The following RGS5 variants were observed in gnomAD, a reference collection of about 807,000 sequenced individuals.
RGS5 encodes the protein regulator of G protein signaling 5.
A neutral mutation model predicts 18.9 loss-of-function variants in RGS5; 20 were observed. The ratio of observed to expected loss-of-function variants is 1.06; its 90% CI spans 0.74 to 1.54. The LOEUF (loss-of-function observed/expected upper bound fraction) is 1.54, where lower values mean the gene tolerates loss of function less well. RGS5 is among the 40% of genes most tolerant of loss of function. The pLI is 0.00. For missense variants in RGS5, 201 were observed against 211.8 expected, an observed-to-expected ratio of 0.95 and a Z score of 0.32; for synonymous variants, 57 against 76.2, an observed-to-expected ratio of 0.75 and a Z score of 1.31.
At position 163,170,572 on chromosome 1, in the gene RGS5, A is replaced by G. The variant is rs12029882; in HGVS notation, c.45-2204T>C. On this transcript the variant is annotated intron_variant, in intron 1 of 4. Coordinates refer to ENST00000313961, the MANE Select transcript of RGS5 (RefSeq NM_003617.4). ...AGATTTGCAGTTACGGATATTAGGG[A>G]AAAAAAATGTAAGGAAACCTGTGGT... Among the ~76,000 whole-genome samples, 1,209 of 151,864 alleles carry G rather than the reference A, an allele frequency of 8.0e-3. 55 individuals carry two copies. The East Asian group carries it at 0.13, about 16-fold the overall frequency.
chr1:163,274,027 T>C (rs1648787349), intron 2 of RGS5, among the ~76,000 whole-genome samples: 1 of 152,218 alleles, frequency 6.6e-6, no homozygotes, highest in Non-Finnish European at 1.5e-5. Context: ...TAGTCTTTGC[T>C]GATGGATTTG....
intron 2 of RGS5, among the ~76,000 whole-genome samples, chr1:163,273,522 T>C (rs1161697303): frequency 1.3e-5 from 2 of 152,166 alleles, no homozygotes; most frequent in African/African-American, 4.8e-5. Context: ...TTCTTTTATA[T>C]GATTTTTATC....
intron 2 of RGS5, among the ~76,000 whole-genome samples, chr1:163,258,497 T>TA (rs917817514): frequency 1.3e-4 from 19 of 151,640 alleles, no homozygotes; most frequent in Non-Finnish European, 1.9e-4. Flanking sequence ...AGCTAAAAGC[T>TA]AAAAAAAAAT....
chr1:163,272,284 T>C (rs949668552), intron 2 of RGS5, among the ~76,000 whole-genome samples: 2 of 152,290 alleles, frequency 1.3e-5, no homozygotes, highest in South Asian at 2.1e-4. Context: ...TATTGAGTTA[T>C]AAAGATATGT....
At position 163,143,486 on chromosome 1, in the gene RGS5, T is replaced by G. The variant is rs551708211; in HGVS notation, c.*3856A>C. ...GCTTTCTAGGATGATAAAATAAAAT[T>G]TTACATCTAGCTGCATTGCAAGTCA... On this transcript the variant is annotated 3_prime_UTR_variant, in exon 5 of 5. Transcript: ENST00000313961. The G allele has an allele frequency of 1.3e-5, 2 of 152,232 alleles. No homozygotes were observed. The highest frequency in any genetic ancestry group is 3.9e-4 in the East Asian group (2 of 5,172). 9.4% of individuals were successfully genotyped at this position (152,232 alleles called of 1,614,324 possible). A position where few individuals can be genotyped will look rare whatever the true frequency, so the allele number is the denominator to read the frequency against.
chr1:163,173,596 A>C (rs1441223099), intron 1 of RGS5, among the ~76,000 whole-genome samples: 1 of 152,234 alleles, frequency 6.6e-6, no homozygotes, highest in Non-Finnish European at 1.5e-5. Flanking sequence ...TGAGAAATAC[A>C]ATTATATTCC....
intron 2 of RGS5, among the ~76,000 whole-genome samples, chr1:163,284,612 T>C (rs1509031): frequency 0.23 from 35,704 of 152,080 alleles, 4,309 homozygotes; most frequent in Non-Finnish European, 0.26. Context: ...CTTTAGAGAA[T>C]CCTGGGGCCA....
At chr1:163,313,937 T>C (rs1649941643) in intron 1 of RGS5, among the ~76,000 whole-genome samples, 1 of 152,142 alleles carries the variant, frequency 6.6e-6, no homozygotes, top group Non-Finnish European at 1.5e-5. Context: ...GTCTTCCTGG[T>C]TTCCTAGATA....
At chr1:163,266,193 A>G (rs1648568951) in intron 2 of RGS5, among the ~76,000 whole-genome samples, 3 of 152,150 alleles carry the variant, frequency 2.0e-5, no homozygotes, top group Admixed American at 1.3e-4. Flanking sequence ...CATCTAAGTT[A>G]GAAAAGTAAG....
intron 1 of RGS5, among the ~76,000 whole-genome samples, chr1:163,321,028 G>C (rs1650189016): frequency 6.6e-6 from 1 of 152,124 alleles, no homozygotes; most frequent in Non-Finnish European, 1.5e-5. Context: ...TTTCTCCCCT[G>C]ACAACCAGGC....
At chr1:163,268,008 C>T (rs1229355279) in intron 2 of RGS5, among the ~76,000 whole-genome samples, 1 of 152,028 alleles carries the variant, frequency 6.6e-6, no homozygotes, top group Non-Finnish European at 1.5e-5. Context: ...GGTTTGCATT[C>T]TTTTAGCAAA....
At chr1:163,220,317 TAATCAC>T (rs1173674659), upstream of RGS5, among the ~76,000 whole-genome samples, 1 of 105,088 alleles carries the variant, frequency 9.5e-6, no homozygotes, top group Non-Finnish European at 2.3e-5. Flanking sequence ...TCCATTAAAA[TAATCAC>T]GTTTTTCTCT....
chr1:163,232,096 T>G (rs953679185), intron 2 of RGS5, among the ~76,000 whole-genome samples: 3 of 151,680 alleles, frequency 2.0e-5, no homozygotes, highest in African/African-American at 7.3e-5. Context: ...TTTGTTTTCT[T>G]GTGAAATGCA....
rs192189511 is a variant in RGS5, at chr1:163,147,383, G to A, written c.505C>T (p.Arg169Cys). 35 of 1,611,522 alleles carry A rather than the reference G, an allele frequency of 2.2e-5. No homozygotes were observed. The East Asian group carries it at 5.1e-4, about 24-fold the overall frequency. ...TGATAAAACTCAGAGCGCACAAAGC[G>A]AGGCAGAGAATCCTTTTCCATCAGG... The part of the protein sequence containing the change: ...HALMEKDSLP[R>C]FVRSEFYQEL... Residue 169 changes from arginine to cysteine, a missense_variant, in exon 5 of 5, where the codon CGC (arginine) becomes TGC (cysteine). Coordinates refer to ENST00000313961, the MANE Select transcript of RGS5 (RefSeq NM_003617.4).
intron 2 of RGS5, chr1:163,248,405 C>T (rs899392962): frequency 6.6e-6 from 1 of 152,100 alleles, no homozygotes; most frequent in Non-Finnish European, 1.5e-5. Flanking sequence ...ATATAAAACT[C>T]ACCAGGCTCT....
chr1:163,284,133 A>G (rs931334801), intron 2 of RGS5, among the ~76,000 whole-genome samples: 14 of 152,224 alleles, frequency 9.2e-5, no homozygotes, highest in Non-Finnish European at 1.6e-4. Context: ...TTATGATTAA[A>G]TAGTAGCTTG....
At chr1:163,311,570 C>T (rs964195825) in intron 1 of RGS5, among the ~76,000 whole-genome samples, 2 of 152,062 alleles carry the variant, frequency 1.3e-5, no homozygotes, top group Admixed American at 1.3e-4. Context: ...TATTAATTGG[C>T]CTAATTCAAA....
At chr1:163,289,174 T>G (rs1438121775) in intron 2 of RGS5, among the ~76,000 whole-genome samples, 1 of 152,082 alleles carries the variant, frequency 6.6e-6, no homozygotes, top group Non-Finnish European at 1.5e-5. Context: ...AATGTTGCCC[T>G]GTAAGACTTA....
intron 1 of RGS5, among the ~76,000 whole-genome samples, chr1:163,169,866 T>A (rs935904199): frequency 2.0e-5 from 3 of 152,182 alleles, no homozygotes; most frequent in Non-Finnish European, 4.4e-5. Flanking sequence ...GACTATCTTA[T>A]GTGCAGTAAG....
Sources: gnomAD v4.1 joint callset for allele counts (sites outside exome capture counted in the v4.1 genomes callset) on GRCh38, gnomAD v4.1.1 for gene constraint, MANE v1.5 for transcripts, NCBI Gene and HGNC (gene_info 2026-07-23, HGNC 2026-07-21) for gene names.